Variants in VAMP7 observed in about 807,000 individuals in gnomAD.
VAMP7 encodes the protein vesicle-associated membrane protein 7.
Under a neutral mutation model 29.6 loss-of-function variants are expected in VAMP7, and 14 were observed. The ratio of observed to expected loss-of-function variants is 0.47; its 90% CI spans 0.31 to 0.74. VAMP7 has a LOEUF of 0.74. VAMP7 is among the 30% of genes least tolerant of loss of function. The pLI, the probability that VAMP7 is intolerant of heterozygous loss-of-function variation, is 0.05. For missense variants in VAMP7, 223 were observed against 262.4 expected (o/e 0.85, Z 1.04); for synonymous variants, 95 against 88.1 (o/e 1.08, Z -0.44).
rs1388471787 is a variant in VAMP7, at chrX:155,903,715, G to A, written c.433+3128G>A. Reference sequence around the variant, plus strand: ...AAAAAGTCAGGAAACAACAGTTACTGGAGAGGATGTGGAGAAATAGGAACA... The same window carrying A: ...AAAAAGTCAGGAAACAACAGTTACTAGAGAGGATGTGGAGAAATAGGAACA... On this transcript the variant is annotated intron_variant, in intron 5 of 7. Transcript: ENST00000286448. Among the ~76,000 whole-genome samples the A allele has an allele frequency of 3.9e-5, 6 of 152,264 alleles. 1 individual carries two copies. The East Asian group carries it at 9.7e-4, about 25-fold the overall frequency.
chrX:155,925,104 A>G (rs2066449663), intron 6 of VAMP7, among the ~76,000 whole-genome samples: 1 of 152,136 alleles, frequency 6.6e-6, no homozygotes, highest in African/African-American at 2.4e-5. Context: ...TTCTATTTCT[A>G]CCACATCTGC....
chrX:155,883,267 C>T (rs2065825509), intron 1 of VAMP7, among the ~76,000 whole-genome samples: 1 of 152,168 alleles, frequency 6.6e-6, no homozygotes, highest in Non-Finnish European at 1.5e-5. Flanking sequence ...TCAACCTTCT[C>T]ATTCACCAAA....
intron 6 of VAMP7, among the ~76,000 whole-genome samples, chrX:155,926,905 A>T (rs1310578774): frequency 6.6e-6 from 1 of 152,156 alleles, no homozygotes; most frequent in Non-Finnish European, 1.5e-5. Context: ...AGGGAGAGAG[A>T]TAAGAGAATA....
chrX:155,916,318 G>C (rs753104988), intron 5 of VAMP7, among the ~76,000 whole-genome samples: 1 of 152,242 alleles, frequency 6.6e-6, no homozygotes, highest in African/African-American at 2.4e-5. Flanking sequence ...CAATTTGCCA[G>C]TCTGTGTCTT....
intron 1 of VAMP7, among the ~76,000 whole-genome samples, chrX:155,884,922 A>C (rs2065848286): frequency 6.6e-6 from 1 of 152,160 alleles, no homozygotes; most frequent in African/African-American, 2.4e-5. Flanking sequence ...TAATACAGGC[A>C]ATTTCTTACT....
chrX:155,923,170 T>C, intron 6 of VAMP7, among the ~76,000 whole-genome samples: 1 of 152,130 alleles, frequency 6.6e-6, no homozygotes, highest in Middle Eastern at 3.4e-3. Context: ...TACATTGTTG[T>C]TGTTTTTGTT....
chrX:155,895,719 T>A (rs192209184), intron 3 of VAMP7, 39 bp downstream of exon 3: 2 of 1,549,968 alleles, frequency 1.3e-6, no homozygotes, highest in Non-Finnish European at 1.8e-6. Context: ...TAACTATGTG[T>A]ACTGTTAATA....
chrX:155,883,827 C>T (rs2065834005), intron 1 of VAMP7, among the ~76,000 whole-genome samples: 1 of 151,632 alleles, frequency 6.6e-6, no homozygotes, highest in Non-Finnish European at 1.5e-5. Flanking sequence ...TCTCCTGCCT[C>T]AGCCCCCTGA....
rs1248099448 is a variant in VAMP7 at position 155,882,565 on chromosome X, G to A, written c.-10+1117G>A. ...TTCTTCATTCTTCTATCTCCTCCAA[G>A]GTTATTGCATCAGAATTCATGGTTT... On this transcript the variant is annotated intron_variant, in intron 1 of 7. Transcript: ENST00000286448. Among the ~76,000 whole-genome samples, 2 of 152,046 alleles carry A rather than the reference G, an allele frequency of 1.3e-5. 1 individual carries two copies. Among genetic ancestry groups the A allele is most frequent in the South Asian group, 4.2e-4 (2 of 4,816 alleles).
intron 2 of VAMP7, 107 bp downstream of exon 2, chrX:155,889,719 A>G (rs1484347191): frequency 7.8e-7 from 1 of 1,281,110 alleles, no homozygotes; most frequent in Non-Finnish European, 1.0e-6. Context: ...TAATTTGAAT[A>G]AGCTGACAGA....
At chrX:155,910,042 T>G (rs775251203) in intron 5 of VAMP7, among the ~76,000 whole-genome samples, 1 of 151,992 alleles carries the variant, frequency 6.6e-6, no homozygotes, top group South Asian at 2.1e-4. Flanking sequence ...TAGAACTTAT[T>G]CCTTCTATCC....
At chrX:155,899,481 T>C (rs781452169) in intron 4 of VAMP7, among the ~76,000 whole-genome samples, 11 of 152,156 alleles carry the variant, frequency 7.2e-5, no homozygotes, top group Admixed American at 2.0e-4. Context: ...TGTATTGTAA[T>C]GGAATACTTT....
intron 1 of VAMP7, among the ~76,000 whole-genome samples, chrX:155,883,065 ATTG>A (rs1033799827): frequency 6.6e-5 from 10 of 152,134 alleles, no homozygotes; most frequent in Non-Finnish European, 1.5e-4. Flanking sequence ...TGTCTTCCCC[ATTG>A]TTCTATGGCT....
chrX:155,903,291 A>G lies in VAMP7; in HGVS notation c.433+2704A>G, dbSNP rs1433437446. Among the ~76,000 whole-genome samples, 11 of 152,262 alleles carry G rather than the reference A, an allele frequency of 7.2e-5. No homozygotes were observed. The South Asian group carries it at 2.1e-3, about 29-fold the overall frequency. ...AGGCATTACCATTCAGGACATAGGCATGGGCAAGGACTTCATGTCTAAAAC... is the reference window on the plus strand; with the variant it reads ...AGGCATTACCATTCAGGACATAGGCGTGGGCAAGGACTTCATGTCTAAAAC... On this transcript the variant is annotated intron_variant, in intron 5 of 7. Transcript: ENST00000286448.
intron 5 of VAMP7, among the ~76,000 whole-genome samples, chrX:155,908,549 C>G (rs181396100): frequency 0.012 from 1,867 of 151,716 alleles, 30 homozygotes; most frequent in African/African-American, 0.043. Flanking sequence ...GAGAGGGAGA[C>G]CGTGGGGAGA....
rs973723526 is a variant in VAMP7, at chrX:155,903,087, T to C, written c.433+2500T>C. The stretch of plus-strand genomic sequence containing the variant: ...ATTCAGAGATTCAACTTCTTCCTGG[T>C]TTAGTCTTGGGAGGGTGTATGTGTC... On this transcript the variant is annotated intron_variant, in intron 5 of 7. Transcript: ENST00000286448. Among the ~76,000 whole-genome samples the C allele has an allele frequency of 3.2e-3, 488 of 152,144 alleles. 5 individuals are homozygous for C. The highest frequency in any genetic ancestry group is 6.8e-3 in the Middle Eastern group (2 of 294).
intron 5 of VAMP7, among the ~76,000 whole-genome samples, chrX:155,907,854 C>T (rs1239905189): frequency 2.0e-5 from 3 of 151,890 alleles, no homozygotes; most frequent in East Asian, 1.9e-4. Context: ...GGGCGGCTGC[C>T]GGGTGGAGGG....
intron 6 of VAMP7, among the ~76,000 whole-genome samples, chrX:155,921,915 G>A (rs960060522): frequency 1.3e-5 from 2 of 151,956 alleles, no homozygotes; most frequent in Non-Finnish European, 2.9e-5. Context: ...TTGGTATCTT[G>A]ACAGTATAGA....
intron 5 of VAMP7, among the ~76,000 whole-genome samples, chrX:155,916,492 A>G (rs5983824): frequency 0.62 from 94,853 of 151,918 alleles, 29,774 homozygotes; most frequent in African/African-American, 0.69. Context: ...AGTGGCTGGT[A>G]CTGGTTTTTC....
Sources: allele counts gnomAD v4.1 joint callset (sites outside exome capture counted in the v4.1 genomes callset), GRCh38; gene constraint gnomAD v4.1.1; transcripts MANE v1.5; gene names NCBI Gene and HGNC (gene_info 2026-07-23, HGNC 2026-07-21).